PTPN12: variants seen among roughly 807,000 people sequenced by gnomAD.
PTPN12 encodes tyrosine-protein phosphatase non-receptor type 12.
In PTPN12, 29 loss-of-function variants were observed where a neutral mutation model predicts 97.6. The observed-to-expected ratio is 0.30, with a 90% confidence interval of 0.22 to 0.41. The LOEUF is 0.41. Among genes scored for constraint, PTPN12 ranks in the 10% least tolerant of loss-of-function variants. The pLI is 1.00. For missense variants in PTPN12, 819 were observed against 926.0 expected (o/e 0.88, Z 1.50); for synonymous variants, 327 against 300.4 (o/e 1.09, Z -0.91).
intron 3 of PTPN12, among the ~76,000 whole-genome samples, chr7:77,582,645 A>T (rs1584143286): frequency 6.6e-6 from 1 of 151,912 alleles, no homozygotes; most frequent in Non-Finnish European, 1.5e-5. Context: ...TTAGCCGGTC[A>T]TGGTGGTGCA....
At chr7:77,581,401 A>G (rs1488198932) in intron 2 of PTPN12, 26 bp from the exon 3 acceptor site, 2 of 1,496,948 alleles carry the variant, frequency 1.3e-6, no homozygotes, top group South Asian at 2.3e-5. Context: ...TCAACCATAC[A>G]TATTTTATGA....
chr7:77,552,668 G>A (rs1275773670), intron 1 of PTPN12, among the ~76,000 whole-genome samples: 1 of 152,124 alleles, frequency 6.6e-6, no homozygotes, highest in East Asian at 1.9e-4. Context: ...ATGTACAAAA[G>A]TAAAAATAGG....
At chr7:77,618,902 T>C (rs1356502988) in intron 12 of PTPN12, among the ~76,000 whole-genome samples, 2 of 152,234 alleles carry the variant, frequency 1.3e-5, no homozygotes, top group Admixed American at 1.3e-4. Context: ...AAAAATTGCA[T>C]GCATGTTGAA....
In PTPN12 at chr7:77,639,507, C is replaced by A; in HGVS notation, c.*227C>A. The A allele has an allele frequency of 2.1e-6, 1 of 481,372 alleles. No homozygotes were observed. The highest frequency in any genetic ancestry group is 3.9e-5 in the South Asian group (1 of 25,444). 29.8% of individuals were successfully genotyped at this position (481,372 alleles called of 1,614,324 possible). ...TATTATTGCCTTAATGTCTCTTAAC[C>A]CTGTTACACGCTGCTTGTAGACATG... On this transcript the variant is annotated 3_prime_UTR_variant, in exon 18 of 18. Coordinates refer to ENST00000248594, the MANE Select transcript of PTPN12 (RefSeq NM_002835.4).
intron 12 of PTPN12, among the ~76,000 whole-genome samples, chr7:77,621,278 A>G (rs986286014): frequency 6.6e-6 from 1 of 152,130 alleles, no homozygotes; most frequent in African/African-American, 2.4e-5. Flanking sequence ...ATCCCCTATG[A>G]TAACAGTGCC....
intron 1 of PTPN12, among the ~76,000 whole-genome samples, chr7:77,558,308 C>T (rs1167627042): frequency 1.3e-5 from 2 of 151,226 alleles, no homozygotes. Context: ...GGAGGGTAAA[C>T]TGGTGAAGCC....
intron 12 of PTPN12, among the ~76,000 whole-genome samples, chr7:77,625,470 T>TCGCTCGCGCG (rs1491229940): frequency 0.034 from 1,513 of 44,946 alleles, 253 homozygotes; most frequent in African/African-American, 0.037. Context: ...CCCAGGCTGC[T>TCGCTCGCGCG]CGCTCTCTCT....
chr7:77,595,256 G>T (rs189605865), intron 6 of PTPN12, among the ~76,000 whole-genome samples: 1 of 152,202 alleles, frequency 6.6e-6, no homozygotes, highest in Admixed American at 6.5e-5. Context: ...AGACAACTCG[G>T]GATTTGTTAT....
At chr7:77,538,487 C>T (rs560755247) in intron 1 of PTPN12, among the ~76,000 whole-genome samples, 3 of 151,924 alleles carry the variant, frequency 2.0e-5, no homozygotes, top group Admixed American at 6.6e-5. Context: ...GGGGCGGAGG[C>T]GACGCTACGG....
At chr7:77,551,728 TCTTG>T (rs1807488889) in intron 1 of PTPN12, among the ~76,000 whole-genome samples, 1 of 152,204 alleles carries the variant, frequency 6.6e-6, no homozygotes, top group Admixed American at 6.5e-5. Flanking sequence ...GATGTTTTGT[TCTTG>T]CTTCAGTTTT....
At chr7:77,585,470 T>A (rs1787658977) in intron 4 of PTPN12, 73 bp from the exon 5 acceptor site, 2 of 1,339,494 alleles carry the variant, frequency 1.5e-6, no homozygotes, top group South Asian at 2.5e-5. Context: ...TCTTGAAATC[T>A]GTATTTTATT....
chr7:77,624,501 G>A (rs1257220941), intron 12 of PTPN12, among the ~76,000 whole-genome samples: 5 of 151,816 alleles, frequency 3.3e-5, no homozygotes, highest in African/African-American at 7.3e-5. Flanking sequence ...GTGCAGTGGC[G>A]TGATCTCAGC....
At chr7:77,619,370 T>C (rs557702994) in intron 12 of PTPN12, among the ~76,000 whole-genome samples, 5 of 152,270 alleles carry the variant, frequency 3.3e-5, no homozygotes, top group South Asian at 4.1e-4. Context: ...TGTCTTAGCA[T>C]TGAGTTGCTA....
At chr7:77,582,699 G>A (rs983147185) in intron 3 of PTPN12, among the ~76,000 whole-genome samples, 15 of 150,938 alleles carry the variant, frequency 9.9e-5, no homozygotes, top group Admixed American at 7.9e-4. Context: ...CAGGAGAATC[G>A]CCTGAACCCA....
chr7:77,638,114 C>T (rs1584233242), intron 16 of PTPN12, among the ~76,000 whole-genome samples: 1 of 151,162 alleles, frequency 6.6e-6, no homozygotes, highest in Non-Finnish European at 1.5e-5. Flanking sequence ...CCCGCCACCA[C>T]GCCTGGCTAA....
chr7:77,577,328 A>G (rs181906101), intron 2 of PTPN12, among the ~76,000 whole-genome samples: 79 of 152,310 alleles, frequency 5.2e-4, no homozygotes, highest in Non-Finnish European at 8.7e-4. Flanking sequence ...ATTAACTTCT[A>G]TCTCCATGGG....
chr7:77,581,327 A>G, intron 2 of PTPN12, 100 bp from the exon 3 acceptor site: 1 of 629,742 alleles, frequency 1.6e-6, no homozygotes, highest in Non-Finnish European at 2.6e-6. Context: ...ATTGTTTTTT[A>G]AAATAAATGT....
intron 14 of PTPN12, 92 bp downstream of exon 14, chr7:77,632,517 A>G: frequency 1.1e-6 from 1 of 909,480 alleles, no homozygotes; most frequent in Non-Finnish European, 1.7e-6. Context: ...CTATTGTGCT[A>G]CATAATTAAA....
chr7:77,581,736 TTTC>T (rs1482673669), intron 3 of PTPN12, among the ~76,000 whole-genome samples: 1 of 152,218 alleles, frequency 6.6e-6, no homozygotes, highest in African/African-American at 2.4e-5. Flanking sequence ...TTCTTTTTTA[TTTC>T]TTCTTTCCCA....
Sources: gnomAD v4.1 joint callset for allele counts (sites outside exome capture counted in the v4.1 genomes callset) on GRCh38, gnomAD v4.1.1 for gene constraint, MANE v1.5 for transcripts, NCBI Gene and HGNC (gene_info 2026-07-23, HGNC 2026-07-21) for gene names.